BMPR1A: variants seen among roughly 807,000 people sequenced by gnomAD.
BMPR1A encodes the protein bone morphogenetic protein receptor type 1A, also known as bone morphogenetic protein receptor type-1A.
BMPR1A carries 7 observed loss-of-function variants against 66.0 expected under a neutral mutation model. The observed-to-expected ratio is 0.11, with a 90% CI of 0.06 to 0.20. The LOEUF (loss-of-function observed/expected upper bound fraction) is 0.20, where lower values mean the gene tolerates loss of function less well. BMPR1A is among the 10% of genes least tolerant of loss of function. The pLI is 1.00. For missense variants in BMPR1A, 408 were observed against 669.1 expected (o/e 0.61, Z 4.31); for synonymous variants, 200 against 229.7 (o/e 0.87, Z 1.17).
chr10:86,865,001 C>T (rs1842764740), intron 2 of BMPR1A, among the ~76,000 whole-genome samples: 1 of 152,162 alleles, frequency 6.6e-6, no homozygotes, highest in Non-Finnish European at 1.5e-5. Flanking sequence ...CGCCCCAACA[C>T]TTCAACACTA....
Position 86,925,884 on chromosome 10 carries a change from C to T in BMPR1A, c.*2165C>T, listed in dbSNP as rs113682796. On this transcript the variant is annotated 3_prime_UTR_variant, in exon 13 of 13. Coordinates refer to ENST00000372037, the MANE Select transcript of BMPR1A (RefSeq NM_004329.3). ...CTGGGACTACAGGCGCCCGCCACCGCGCCCGGCTAATTTTTTGTATTTTTA... is the reference window on the plus strand; with the variant it reads ...CTGGGACTACAGGCGCCCGCCACCGTGCCCGGCTAATTTTTTGTATTTTTA... The T allele has an allele frequency of 1.9e-3, 317 of 162,868 alleles. 1 individual carries two copies. The highest frequency in any genetic ancestry group is 6.2e-3 in the African/African-American group (258 of 41,584). The allele number at this position is 162,868 out of a possible 1,614,324, so 10.1% of individuals were successfully genotyped here.
At chr10:86,863,071 C>CCAGGTTCA (rs1361995186) in intron 2 of BMPR1A, among the ~76,000 whole-genome samples, 1 of 151,886 alleles carries the variant, frequency 6.6e-6, no homozygotes, top group Non-Finnish European at 1.5e-5. Flanking sequence ...CCTCTACCTC[C>CCAGGTTCA]CAGGTTCAAG....
chr10:86,782,554 G>A (rs912648075), intron 1 of BMPR1A, among the ~76,000 whole-genome samples: 5 of 152,040 alleles, frequency 3.3e-5, no homozygotes, highest in Non-Finnish European at 7.4e-5. Context: ...CTGGTGTGAG[G>A]TGATACCTCA....
chr10:86,908,617 C>T (rs1843431651), intron 7 of BMPR1A, among the ~76,000 whole-genome samples: 1 of 152,222 alleles, frequency 6.6e-6, no homozygotes, highest in African/African-American at 2.4e-5. Context: ...GCTTTCAGCT[C>T]TTACCACGTC....
At chr10:86,770,358 G>C (rs778972356) in intron 1 of BMPR1A, among the ~76,000 whole-genome samples, 6 of 151,876 alleles carry the variant, frequency 4.0e-5, no homozygotes, top group Non-Finnish European at 8.8e-5. Flanking sequence ...GCTGCAGTGA[G>C]CTATGATCTT....
Position 86,775,495 on chromosome 10 carries a change from CT to C in BMPR1A, c.-268+18577del, listed in dbSNP as rs1189486294. 5.9e-5 allele frequency among the ~76,000 whole-genome samples: 9 copies of C among 152,176 alleles called. No homozygotes were observed. In the South Asian group the frequency reaches 1.2e-3, roughly 21 times the overall value. On this transcript the variant is annotated intron_variant, in intron 1 of 12. Coordinates refer to ENST00000372037, the MANE Select transcript of BMPR1A (RefSeq NM_004329.3). ...CCCCAGAGAGCAAAATTCATTCCCCCTGATGCCCATCTCACCCTGCTATAGA... is the reference window on the plus strand; with the variant it reads ...CCCCAGAGAGCAAAATTCATTCCCCCGATGCCCATCTCACCCTGCTATAGA...
At position 86,775,521 on chromosome 10, in the gene BMPR1A, A is replaced by G. The variant is rs149419014; in HGVS notation, c.-268+18602A>G. The stretch of plus-strand genomic sequence containing the variant: ...TGATGCCCATCTCACCCTGCTATAG[A>G]AAGTTTCATTTTTTGGACAGCATTT... On this transcript the variant is annotated intron_variant, in intron 1 of 12. Coordinates refer to ENST00000372037, the MANE Select transcript of BMPR1A (RefSeq NM_004329.3). Among the ~76,000 whole-genome samples the G allele has an allele frequency of 2.1e-3, 318 of 152,274 alleles. 4 individuals carry two copies. The highest frequency in any genetic ancestry group is 7.4e-3 in the African/African-American group (308 of 41,548).
chr10:86,914,690 G>C (rs1172833618), intron 8 of BMPR1A, among the ~76,000 whole-genome samples: 2 of 152,176 alleles, frequency 1.3e-5, no homozygotes, highest in Non-Finnish European at 2.9e-5. Flanking sequence ...CACTAGTATA[G>C]CTAAGACTGA....
intron 1 of BMPR1A, among the ~76,000 whole-genome samples, chr10:86,772,421 C>A (rs187696166): frequency 2.6e-5 from 4 of 152,064 alleles, no homozygotes; most frequent in Non-Finnish European, 5.9e-5. Flanking sequence ...TGAGCCACCG[C>A]GCCCGGCCAG....
At chr10:86,850,092 G>A (rs1040822106) in intron 2 of BMPR1A, among the ~76,000 whole-genome samples, 3 of 152,104 alleles carry the variant, frequency 2.0e-5, no homozygotes, top group Non-Finnish European at 4.4e-5. Context: ...AGGCCGAGGT[G>A]GGTGGATCAC....
chr10:86,815,944 T>C (rs1273092893), intron 1 of BMPR1A, among the ~76,000 whole-genome samples: 1 of 152,240 alleles, frequency 6.6e-6, no homozygotes, highest in Non-Finnish European at 1.5e-5. Flanking sequence ...CTTTCTTGCC[T>C]AGGATATCCC....
intron 2 of BMPR1A, among the ~76,000 whole-genome samples, chr10:86,859,002 A>C (rs1251491402): frequency 1.3e-5 from 2 of 152,238 alleles, no homozygotes; most frequent in Non-Finnish European, 2.9e-5. Context: ...TAGAGGCATC[A>C]CACTACCAGA....
chr10:86,902,162 T>G (rs529737023), intron 7 of BMPR1A, among the ~76,000 whole-genome samples: 1 of 152,324 alleles, frequency 6.6e-6, no homozygotes, highest in African/African-American at 2.4e-5. Flanking sequence ...ACCTGGCCTC[T>G]AATGTGTATA....
chr10:86,833,614 G>A (rs1400180638), intron 1 of BMPR1A, among the ~76,000 whole-genome samples: 2 of 152,162 alleles, frequency 1.3e-5, no homozygotes, highest in Admixed American at 1.3e-4. Flanking sequence ...TACATAAACA[G>A]ATTTTGTGCT....
At chr10:86,820,528 G>A (rs1042565585) in intron 1 of BMPR1A, among the ~76,000 whole-genome samples, 3 of 151,858 alleles carry the variant, frequency 2.0e-5, no homozygotes, top group Non-Finnish European at 4.4e-5. Flanking sequence ...AGTCCTTATC[G>A]TCTGAGACCT....
At chr10:86,815,399 G>A (rs1842022985) in intron 1 of BMPR1A, among the ~76,000 whole-genome samples, 2 of 152,058 alleles carry the variant, frequency 1.3e-5, no homozygotes, top group Non-Finnish European at 2.9e-5. Flanking sequence ...TCCTAGCAGG[G>A]AGGTCTGGTT....
intron 2 of BMPR1A, among the ~76,000 whole-genome samples, chr10:86,846,862 C>G (rs1025474471): frequency 3.3e-5 from 5 of 152,154 alleles, no homozygotes; most frequent in Admixed American, 1.3e-4. Flanking sequence ...CCACTCTCTT[C>G]CATTCAGACT....
At chr10:86,796,623 C>G (rs1841714829) in intron 1 of BMPR1A, among the ~76,000 whole-genome samples, 1 of 151,584 alleles carries the variant, frequency 6.6e-6, no homozygotes, top group African/African-American at 2.4e-5. Context: ...GTTGCCCAGG[C>G]TGGAGTACAG....
rs1842634166 is a variant in BMPR1A, at chr10:86,855,931, T to C, written c.-153+16952T>C. On this transcript the variant is annotated intron_variant, in intron 2 of 12. Coordinates refer to ENST00000372037, the MANE Select transcript of BMPR1A (RefSeq NM_004329.3). ...GGCTAGGATTGTTGATATCTGATGTTTTAATGGCTTTACTGCATAACTATT... is the reference window on the plus strand; with the variant it reads ...GGCTAGGATTGTTGATATCTGATGTCTTAATGGCTTTACTGCATAACTATT... 4.7e-6 allele frequency: 3 copies of C among 643,736 alleles called. No individual in the cohort carries two copies. In the South Asian group the frequency reaches 5.2e-5, roughly 11 times the overall value. The allele number at this position is 643,736 out of a possible 1,614,324, so 39.9% of individuals were successfully genotyped here.
Sources: allele counts gnomAD v4.1 joint callset (sites outside exome capture counted in the v4.1 genomes callset), GRCh38; gene constraint gnomAD v4.1.1; transcripts MANE v1.5; gene names NCBI Gene and HGNC (gene_info 2026-07-23, HGNC 2026-07-21).